PDE9A: variants seen among roughly 807,000 people sequenced by gnomAD.
The protein encoded by PDE9A is high affinity cGMP-specific 3',5'-cyclic phosphodiesterase 9A.
PDE9A carries 60 observed loss-of-function variants against 87.4 expected under a neutral mutation model. The observed-to-expected ratio is 0.69, with a 90% confidence interval of 0.56 to 0.85. PDE9A has a LOEUF of 0.85. Among genes scored for constraint, PDE9A ranks in the 40% least tolerant of loss-of-function variants. The pLI is 0.00. For synonymous variants in PDE9A, 272 were observed against 279.4 expected, an observed-to-expected ratio of 0.97 and a Z score of 0.27; for missense variants, 665 against 779.0, an observed-to-expected ratio of 0.85 and a Z score of 1.74.
Position 42,745,500 on chromosome 21 carries a change from G to A in PDE9A, c.653+1640G>A, listed in dbSNP as rs1251071884. ...CAGAGTCTCTCATTTGTGAGCCAAG[G>A]AAGAGCTCCCAAGTTGCACAGGGAC... On this transcript the variant is annotated intron_variant, in intron 8 of 19. Coordinates refer to ENST00000291539, the MANE Select transcript of PDE9A (RefSeq NM_002606.3). Among the ~76,000 whole-genome samples, 3 of 152,236 alleles carry A rather than the reference G, an allele frequency of 2.0e-5. No individual in the cohort carries two copies. In the East Asian group the frequency reaches 5.8e-4, roughly 29 times the overall value.
intron 1 of PDE9A, among the ~76,000 whole-genome samples, chr21:42,656,506 G>T (rs372531441): frequency 1.3e-5 from 2 of 152,374 alleles, no homozygotes; most frequent in African/African-American, 4.8e-5. Context: ...AGCAAGTGCC[G>T]GTGTCTCCTG....
intron 1 of PDE9A, among the ~76,000 whole-genome samples, chr21:42,669,822 G>A (rs1453939434): frequency 1.3e-5 from 2 of 152,166 alleles, no homozygotes; most frequent in African/African-American, 4.8e-5. Flanking sequence ...AAGAGGTTCA[G>A]GAACTTGCCC....
chr21:42,751,121 A>G lies in PDE9A; in HGVS notation c.659A>G (p.Asn220Ser). 1 of 1,606,586 alleles carries G rather than the reference A, an allele frequency of 6.2e-7. No homozygotes were observed. Among genetic ancestry groups the G allele is most frequent in the Non-Finnish European group, 8.5e-7 (1 of 1,173,090 alleles). ...EELAARSSRT[N>S]CPCKYSFLDN... ...TCTCTGCTCCTTCTCTCTAGGACCA[A>G]CTGCCCCTGTAAGTACAGTTTTTTG... Residue 220 changes from asparagine (N) to serine (S), a missense_variant, in exon 9 of 20, where the codon AAC becomes AGC. Asn to Ser is a conservative substitution (Grantham distance 46). Coordinates refer to ENST00000291539, the MANE Select transcript of PDE9A (RefSeq NM_002606.3).
At chr21:42,708,946 GT>G (rs1438932994) in intron 4 of PDE9A, among the ~76,000 whole-genome samples, 1 of 152,086 alleles carries the variant, frequency 6.6e-6, no homozygotes, top group African/African-American at 2.4e-5. Context: ...CAGCAATGAC[GT>G]TTATATATAT....
At chr21:42,744,821 G>A (rs1472222100) in intron 8 of PDE9A, among the ~76,000 whole-genome samples, 1 of 152,252 alleles carries the variant, frequency 6.6e-6, no homozygotes, top group Non-Finnish European at 1.5e-5. Context: ...CAAAGAGACG[G>A]CGGTGATGAT....
intron 9 of PDE9A, 112 bp downstream of exon 9, chr21:42,751,309 C>T (rs1353000615): frequency 1.0e-5 from 8 of 797,222 alleles, no homozygotes; most frequent in South Asian, 5.6e-5. Flanking sequence ...TCAACCGCCC[C>T]TCCCAGCCCT....
At chr21:42,663,095 A>C (rs2057705606) in intron 1 of PDE9A, among the ~76,000 whole-genome samples, 1 of 149,188 alleles carries the variant, frequency 6.7e-6, no homozygotes, top group African/African-American at 2.5e-5. Flanking sequence ...ACAAGAATGC[A>C]CACCACATAC....
At chr21:42,726,585 C>T (rs944285598) in intron 4 of PDE9A, among the ~76,000 whole-genome samples, 12 of 121,644 alleles carry the variant, frequency 9.9e-5, no homozygotes, top group African/African-American at 2.1e-4. Flanking sequence ...AATGCCACCA[C>T]GCCTGGCCAT....
intron 8 of PDE9A, 135 bp downstream of exon 8, chr21:42,743,995 C>G: frequency 1.6e-6 from 1 of 623,366 alleles, no homozygotes; most frequent in Non-Finnish European, 2.9e-6. Flanking sequence ...TGGGAGAGTG[C>G]AGTCTGGAGG....
intron 15 of PDE9A, among the ~76,000 whole-genome samples, chr21:42,766,613 G>A (rs552169766): frequency 2.0e-5 from 3 of 152,292 alleles, no homozygotes; most frequent in Non-Finnish European, 2.9e-5. Flanking sequence ...AAGACTGTGC[G>A]AGAGGATGGG....
chr21:42,714,848 A>C (rs1002119149), intron 4 of PDE9A, among the ~76,000 whole-genome samples: 47 of 137,480 alleles, frequency 3.4e-4, no homozygotes, highest in African/African-American at 1.2e-3. Flanking sequence ...GTCTTTGTTC[A>C]TATGGTTGGG....
intron 2 of PDE9A, among the ~76,000 whole-genome samples, chr21:42,686,557 G>A (rs868449759): frequency 6.6e-6 from 1 of 152,240 alleles, no homozygotes; most frequent in African/African-American, 2.4e-5. Flanking sequence ...TCTCACACCT[G>A]TAATCCCAAC....
chr21:42,770,341 G>A lies in PDE9A; in HGVS notation c.1591-362G>A, dbSNP rs917986271. Among the ~76,000 whole-genome samples, 5 of 152,224 alleles carry A rather than the reference G, an allele frequency of 3.3e-5. 1 individual carries two copies. Among genetic ancestry groups the A allele is most frequent in the South Asian group, 2.1e-4 (1 of 4,822 alleles). On this transcript the variant is annotated intron_variant, in intron 17 of 19. Coordinates refer to ENST00000291539, the MANE Select transcript of PDE9A (RefSeq NM_002606.3). The stretch of plus-strand genomic sequence containing the variant: ...TACGCTGCGCATCCTTCTGCTCTAG[G>A]GCATCTCTTGGAGCCAACCCACCCA...
At chr21:42,706,033 C>T (rs1466992582) in intron 4 of PDE9A, among the ~76,000 whole-genome samples, 1 of 152,214 alleles carries the variant, frequency 6.6e-6, no homozygotes, top group Non-Finnish European at 1.5e-5. Context: ...GCTTGAGCTT[C>T]TGCAAGCCAG....
chr21:42,677,873 C>CGTTA (rs2058942220), intron 1 of PDE9A, among the ~76,000 whole-genome samples: 1 of 152,110 alleles, frequency 6.6e-6, no homozygotes, highest in Non-Finnish European at 1.5e-5. Flanking sequence ...AAACTCCTAA[C>CGTTA]CTTGGGTGAT....
rs2059911676 is a variant in PDE9A, at chr21:42,692,645, G to A, written c.218+4651G>A. 1.3e-5 allele frequency among the ~76,000 whole-genome samples: 2 copies of A among 152,142 alleles called. No homozygotes were observed. ...GCTTTCTGCAGGTTCCCAGTGAGGAGGACGAGGCTGGCCCGGGACACGCCA... is the reference window on the plus strand; with the variant it reads ...GCTTTCTGCAGGTTCCCAGTGAGGAAGACGAGGCTGGCCCGGGACACGCCA... On this transcript the variant is annotated intron_variant, in intron 3 of 19. Transcript: ENST00000291539. This position sits in a 1 kb window ranked among gnomAD's most constrained non-coding sequence, Gnocchi z 4.3.
intron 4 of PDE9A, among the ~76,000 whole-genome samples, chr21:42,724,009 G>T (rs1353921685): frequency 6.6e-6 from 1 of 152,230 alleles, no homozygotes; most frequent in Non-Finnish European, 1.5e-5. Context: ...AGGTGATTTT[G>T]CCACGAAGGT....
At chr21:42,683,115 G>A (rs1449872582) in intron 1 of PDE9A, among the ~76,000 whole-genome samples, 2 of 152,212 alleles carry the variant, frequency 1.3e-5, no homozygotes, top group Non-Finnish European at 2.9e-5. Flanking sequence ...CACGCATGAT[G>A]CCAAAAAGTA....
At chr21:42,661,320 C>T (rs374919860) in intron 1 of PDE9A, among the ~76,000 whole-genome samples, 8 of 150,144 alleles carry the variant, frequency 5.3e-5, no homozygotes, top group African/African-American at 2.0e-4. Flanking sequence ...TGAGCCACCA[C>T]GCCCAGCCTT....
Sources: allele counts gnomAD v4.1 joint callset (sites outside exome capture counted in the v4.1 genomes callset), GRCh38; gene constraint gnomAD v4.1.1; non-coding constraint Gnocchi (gnomAD v3.1); transcripts MANE v1.5; gene names NCBI Gene and HGNC (gene_info 2026-07-23, HGNC 2026-07-21).